The following KLHL6 variants were observed in gnomAD, a reference collection of about 807,000 sequenced individuals.
KLHL6 encodes kelch like family member 6, also known as kelch-like protein 6.
KLHL6 carries 41 observed loss-of-function variants against 58.6 expected under a neutral mutation model. The observed-to-expected ratio is 0.70, with a 90% CI of 0.55 to 0.91. The LOEUF is 0.91. Ranked by LOEUF, KLHL6 falls within the 40% of genes least tolerant of loss-of-function variation. The probability of loss-of-function intolerance (pLI) is 0.00; values close to 1 mark genes in which losing one functional copy is unlikely to be tolerated. For synonymous variants in KLHL6, 338 were observed against 322.7 expected, an observed-to-expected ratio of 1.05 and a Z score of -0.51; for missense variants, 714 against 805.6, an observed-to-expected ratio of 0.89 and a Z score of 1.38.
intron 1 of KLHL6, among the ~76,000 whole-genome samples, chr3:183,549,633 C>T (rs181736504): frequency 1.3e-5 from 2 of 152,316 alleles, no homozygotes; most frequent in East Asian, 1.9e-4. Flanking sequence ...TTCAGCCTCC[C>T]GAGTAGCTGG....
intron 3 of KLHL6, among the ~76,000 whole-genome samples, chr3:183,502,562 C>G (rs1466527532): frequency 6.6e-6 from 1 of 152,190 alleles, no homozygotes; most frequent in Admixed American, 6.5e-5. Flanking sequence ...CTCTCTCAGT[C>G]TTTCTTAGGT....
intron 2 of KLHL6, 139 bp downstream of exon 2, chr3:183,527,706 G>T: frequency 1.4e-6 from 1 of 708,640 alleles, no homozygotes. Context: ...GTGCGTGTGT[G>T]TGTGTGTGTT....
chr3:183,536,006 C>T (rs1712352747), intron 1 of KLHL6, among the ~76,000 whole-genome samples: 1 of 152,212 alleles, frequency 6.6e-6, no homozygotes, highest in Non-Finnish European at 1.5e-5. Flanking sequence ...GATCTCCTGA[C>T]CTCATGATCT....
chr3:183,536,613 GA>G (rs1249147033), intron 1 of KLHL6, among the ~76,000 whole-genome samples: 69 of 152,320 alleles, frequency 4.5e-4, no homozygotes, highest in African/African-American at 1.6e-3. Flanking sequence ...CCACCTCAGT[GA>G]GCTGCACAGA....
At position 183,555,706 on chromosome 3, in the gene KLHL6, C is replaced by T. The variant is rs978429620; in HGVS notation, c.-53G>A. The stretch of plus-strand genomic sequence containing the variant: ...GGCAGGCCCCATTGCAGGAGCTGAG[C>T]GGATTTCCTGTGCAGGGCCCTCCAC... On this transcript the variant is annotated 5_prime_UTR_variant, in exon 1 of 7. Coordinates refer to ENST00000341319, the MANE Select transcript of KLHL6 (RefSeq NM_130446.4). The T allele has an allele frequency of 3.6e-5, 55 of 1,521,740 alleles. No homozygotes were observed. The highest frequency in any genetic ancestry group is 8.4e-5 in the African/African-American group (6 of 71,814). 94.3% of individuals were successfully genotyped at this position (1,521,740 alleles called of 1,614,324 possible). A position where few individuals can be genotyped will look rare whatever the true frequency, so the allele number is the denominator to read the frequency against.
intron 3 of KLHL6, among the ~76,000 whole-genome samples, chr3:183,506,012 G>T (rs895627401): frequency 6.6e-6 from 1 of 152,112 alleles, no homozygotes; most frequent in South Asian, 2.1e-4. Context: ...AACTAGAAAA[G>T]AACACACAGA....
Position 183,489,679 on chromosome 3 carries a change from A to G in KLHL6, c.*2248T>C, listed in dbSNP as rs1335785191. 1 of 152,194 alleles carries G rather than the reference A, an allele frequency of 6.6e-6. No homozygotes were observed. The highest frequency in any genetic ancestry group is 1.5e-5 in the Non-Finnish European group (1 of 68,040). The allele number at this position is 152,194 out of a possible 1,614,324, so 9.4% of individuals were successfully genotyped here. On this transcript the variant is annotated 3_prime_UTR_variant, in exon 7 of 7. Coordinates refer to ENST00000341319, the MANE Select transcript of KLHL6 (RefSeq NM_130446.4). ...AATAGTTTGTTCTAAAATTCCACAA[A>G]TATGTTTCTATTGCCCTGTGTTACT...
At chr3:183,501,745 C>T (rs1019517929) in intron 3 of KLHL6, among the ~76,000 whole-genome samples, 1 of 152,176 alleles carries the variant, frequency 6.6e-6, no homozygotes, top group Admixed American at 6.5e-5. Context: ...TCCCATGCTA[C>T]CACCCCAATC....
At chr3:183,519,669 T>C (rs1711676740) in intron 2 of KLHL6, among the ~76,000 whole-genome samples, 1 of 151,860 alleles carries the variant, frequency 6.6e-6, no homozygotes, top group African/African-American at 2.4e-5. Flanking sequence ...GGAGGATTGC[T>C]TGAGGCAAGG....
At position 183,487,896 on chromosome 3, in the gene KLHL6, C is replaced by T. The variant is rs1316854820; in HGVS notation, c.*4031G>A. On this transcript the variant is annotated 3_prime_UTR_variant, in exon 7 of 7. Coordinates refer to ENST00000341319, the MANE Select transcript of KLHL6 (RefSeq NM_130446.4). ...TAAGAAATCCTTATGGTGTTGCCAA[C>T]GTTAAAAATTCTATTGAGCACTTTC... 2.0e-5 allele frequency: 3 copies of T among 152,256 alleles called. No homozygotes were observed. Among genetic ancestry groups the T allele is most frequent in the East Asian group, 3.9e-4 (2 of 5,184 alleles). The allele number at this position is 152,256 out of a possible 1,614,324, so 9.4% of individuals were successfully genotyped here. A position where few individuals can be genotyped will look rare whatever the true frequency, so the allele number is the denominator to read the frequency against.
rs533197637 is a variant in KLHL6 at position 183,532,017 on chromosome 3, C to T, written c.294-4007G>A. Among the ~76,000 whole-genome samples, 5 of 152,280 alleles carry T rather than the reference C, an allele frequency of 3.3e-5. No homozygotes were observed. The East Asian group carries it at 5.8e-4, about 18-fold the overall frequency. ...ATGTATTTTGCATATAAGAAGGACACGAATTTGGGGGCCAAGTATGGAATG... is the reference window on the plus strand; with the variant it reads ...ATGTATTTTGCATATAAGAAGGACATGAATTTGGGGGCCAAGTATGGAATG... On this transcript the variant is annotated intron_variant, in intron 1 of 6. Transcript: ENST00000341319.
intron 2 of KLHL6, chr3:183,521,882 CAG>C (rs1711774196): frequency 2.0e-5 from 3 of 150,834 alleles, no homozygotes; most frequent in South Asian, 2.1e-4. Context: ...TTAGTAGAGA[CAG>C]GGGTTTCACC....
At chr3:183,547,854 C>T (rs1010976186) in intron 1 of KLHL6, among the ~76,000 whole-genome samples, 2 of 152,154 alleles carry the variant, frequency 1.3e-5, no homozygotes, top group Non-Finnish European at 2.9e-5. Context: ...GAAAACAGGC[C>T]TCTTCACAGA....
chr3:183,501,480 C>T (rs918212569), intron 3 of KLHL6, among the ~76,000 whole-genome samples: 3 of 152,162 alleles, frequency 2.0e-5, no homozygotes, highest in Non-Finnish European at 4.4e-5. Flanking sequence ...TCTTCACTTC[C>T]GGGAACCAGG....
chr3:183,519,699 C>A (rs894183385), intron 2 of KLHL6, among the ~76,000 whole-genome samples: 1 of 151,516 alleles, frequency 6.6e-6, no homozygotes, highest in Non-Finnish European at 1.5e-5. Flanking sequence ...CCAGCCTGGG[C>A]AACAGAGAGA....
chr3:183,546,707 C>T (rs773826865), intron 1 of KLHL6, among the ~76,000 whole-genome samples: 4 of 152,186 alleles, frequency 2.6e-5, no homozygotes, highest in Non-Finnish European at 5.9e-5. Flanking sequence ...TATTACCACG[C>T]ATAAAGTGTT....
chr3:183,518,678 T>TTTGA (rs1711638312), intron 2 of KLHL6, among the ~76,000 whole-genome samples: 1 of 152,184 alleles, frequency 6.6e-6, no homozygotes, highest in African/African-American at 2.4e-5. Context: ...AAATAGACTT[T>TTTGA]CAGAACTTAA....
chr3:183,510,700 C>A (rs1284417566), intron 2 of KLHL6, among the ~76,000 whole-genome samples: 1 of 151,968 alleles, frequency 6.6e-6, no homozygotes, highest in Non-Finnish European at 1.5e-5. Context: ...CATGGAGATA[C>A]CCCGTCTCTA....
chr3:183,511,993 G>A (rs771911735), intron 2 of KLHL6, among the ~76,000 whole-genome samples: 9 of 152,282 alleles, frequency 5.9e-5, no homozygotes, highest in East Asian at 1.9e-4. Context: ...CTCAACTGCC[G>A]GCAGCTCTGC....
Sources: gnomAD v4.1 joint callset for allele counts (sites outside exome capture counted in the v4.1 genomes callset) on GRCh38, gnomAD v4.1.1 for gene constraint, MANE v1.5 for transcripts, NCBI Gene and HGNC (gene_info 2026-07-23, HGNC 2026-07-21) for gene names.